Variants in FMN1 observed in about 807,000 individuals in gnomAD.
FMN1 encodes the protein formin 1.
Under a neutral mutation model 132.4 loss-of-function variants are expected in FMN1, and 110 were observed. The ratio of observed to expected loss-of-function variants is 0.83; its 90% CI spans 0.71 to 0.97. FMN1 has a LOEUF of 0.97. FMN1 is among the 50% of genes least tolerant of loss of function. The pLI is 0.00. For synonymous variants in FMN1, 722 were observed against 651.7 expected (o/e 1.11, Z -1.64); for missense variants, 1,792 against 1,705.3 (o/e 1.05, Z -0.90).
intron 16 of FMN1, among the ~76,000 whole-genome samples, chr15:32,863,835 A>G (rs534847703): frequency 6.6e-6 from 1 of 152,348 alleles, no homozygotes; most frequent in South Asian, 2.1e-4. Flanking sequence ...AAATGTAAAA[A>G]CAAATTCAGA....
intron 17 of FMN1, among the ~76,000 whole-genome samples, chr15:32,852,936 C>G (rs966167197): frequency 6.6e-6 from 1 of 152,158 alleles, no homozygotes; most frequent in Non-Finnish European, 1.5e-5. Context: ...CTAGCCACAC[C>G]AAGTTGCTTG....
chr15:33,121,497 C>T (rs1962551136), intron 4 of FMN1, among the ~76,000 whole-genome samples: 1 of 152,088 alleles, frequency 6.6e-6, no homozygotes, highest in Admixed American at 6.6e-5. Context: ...TACACCATTT[C>T]CCAGTAAAGT....
At chr15:32,888,815 A>T (rs2059956238) in intron 15 of FMN1, among the ~76,000 whole-genome samples, 1 of 144,682 alleles carries the variant, frequency 6.9e-6, no homozygotes, top group South Asian at 2.2e-4. Flanking sequence ...TGCATGCATG[A>T]TCAGATTCTT....
intron 10 of FMN1, among the ~76,000 whole-genome samples, chr15:32,921,548 A>T (rs907406196): frequency 3.5e-4 from 54 of 152,184 alleles, no homozygotes; most frequent in Admixed American, 3.5e-3. Flanking sequence ...CTGATGCAAT[A>T]ATATAAACAT....
intron 9 of FMN1, among the ~76,000 whole-genome samples, chr15:32,934,063 A>G (rs950341941): frequency 3.3e-5 from 5 of 150,886 alleles, no homozygotes; most frequent in African/African-American, 1.2e-4. Context: ...TTCTATATTG[A>G]TGACTTTTGT....
At chr15:32,824,664 G>C (rs988684947) in intron 17 of FMN1, among the ~76,000 whole-genome samples, 1 of 152,090 alleles carries the variant, frequency 6.6e-6, no homozygotes, top group African/African-American at 2.4e-5. Context: ...TGCAATCAAG[G>C]CTCACTGGAG....
chr15:33,107,296 C>T (rs1446399156), intron 4 of FMN1, among the ~76,000 whole-genome samples: 1 of 152,020 alleles, frequency 6.6e-6, no homozygotes, highest in East Asian at 1.9e-4. Flanking sequence ...AATCTCCCAG[C>T]TCTTCTTCCT....
intron 4 of FMN1, chr15:33,106,272 AT>A (rs2039479838): frequency 1.2e-5 from 1 of 84,610 alleles, no homozygotes; most frequent in African/African-American, 5.2e-5. Flanking sequence ...GCTAACCAGA[AT>A]CCACACACAC....
intron 4 of FMN1, among the ~76,000 whole-genome samples, chr15:33,100,135 A>G (rs1246527499): frequency 6.6e-6 from 1 of 151,750 alleles, no homozygotes; most frequent in African/African-American, 2.4e-5. Flanking sequence ...TTAGAGACAC[A>G]TTTATTTAGT....
intron 10 of FMN1, among the ~76,000 whole-genome samples, chr15:32,912,197 T>G (rs2060577956): frequency 6.6e-6 from 1 of 152,214 alleles, no homozygotes; most frequent in African/African-American, 2.4e-5. Context: ...CCTGTGAGTT[T>G]CTTTTCCTAG....
chr15:32,967,026 T>C (rs2031304129), intron 8 of FMN1, among the ~76,000 whole-genome samples: 1 of 152,184 alleles, frequency 6.6e-6, no homozygotes, highest in Non-Finnish European at 1.5e-5. Context: ...CAGCCCCCCG[T>C]GTTATGTTTC....
At chr15:32,901,556 T>A (rs138447324) in intron 13 of FMN1, among the ~76,000 whole-genome samples, 33 of 152,328 alleles carry the variant, frequency 2.2e-4, no homozygotes, top group African/African-American at 7.2e-4. Flanking sequence ...AATGTATGGA[T>A]CTCAAGCAAA....
intron 8 of FMN1, among the ~76,000 whole-genome samples, chr15:32,966,269 T>C (rs1362721572): frequency 6.6e-6 from 1 of 151,740 alleles, no homozygotes; most frequent in African/African-American, 2.4e-5. Context: ...TCAACCGTGA[T>C]CAGTTTAAGC....
intron 9 of FMN1, among the ~76,000 whole-genome samples, chr15:32,927,259 TAATC>T (rs927879977): frequency 1.3e-5 from 2 of 152,182 alleles, no homozygotes; most frequent in South Asian, 2.1e-4. Context: ...AGTTTTAAAT[TAATC>T]AATTAATTTT....
intron 17 of FMN1, among the ~76,000 whole-genome samples, chr15:32,847,265 G>T (rs528541518): frequency 6.7e-6 from 1 of 150,200 alleles, no homozygotes; most frequent in African/African-American, 2.4e-5. Context: ...ACGTTGAAAA[G>T]ATGTAGGGGT....
intron 7 of FMN1, among the ~76,000 whole-genome samples, chr15:32,979,659 C>T (rs557849517): frequency 5.4e-4 from 81 of 150,908 alleles, no homozygotes; most frequent in Non-Finnish European, 1.0e-3. Flanking sequence ...ATTTCCAGGA[C>T]AACTGAGCTG....
At chr15:32,972,930 G>A (rs896754881) in intron 7 of FMN1, among the ~76,000 whole-genome samples, 6 of 151,926 alleles carry the variant, frequency 3.9e-5, no homozygotes, top group African/African-American at 1.2e-4. Flanking sequence ...ATGCCTCATC[G>A]CCTCCAGTCA....
At chr15:33,017,372 C>A (rs150709622) in intron 6 of FMN1, among the ~76,000 whole-genome samples, 1 of 152,152 alleles carries the variant, frequency 6.6e-6, no homozygotes, top group African/African-American at 2.4e-5. Context: ...ATGGAGAATG[C>A]TAATACTAAG....
intron 6 of FMN1, among the ~76,000 whole-genome samples, chr15:33,031,557 C>T (rs752589186): frequency 2.0e-5 from 3 of 152,184 alleles, no homozygotes; most frequent in Non-Finnish European, 2.9e-5. Flanking sequence ...TGTACTCGTC[C>T]TCTTCTTCCA....
Sources: gnomAD v4.1 joint callset for allele counts (sites outside exome capture counted in the v4.1 genomes callset) on GRCh38, gnomAD v4.1.1 for gene constraint, MANE v1.5 for transcripts, NCBI Gene and HGNC (gene_info 2026-07-23, HGNC 2026-07-21) for gene names.